Variants in BLTP1 observed in about 807,000 individuals in gnomAD.
The protein encoded by BLTP1 is fragile site-associated protein.
the BLTP1 span, chr4:122,246,539 G>A: frequency 9.2e-7 from 1 of 1,088,100 alleles, no homozygotes; most frequent in Non-Finnish European, 1.3e-6. Context: ...ATTATTTTAT[G>A]AGAATCTGTA....
At chr4:122,276,772 C>A in the BLTP1 span, 1 of 970,504 alleles carries the variant, frequency 1.0e-6, no homozygotes, top group Non-Finnish European at 1.2e-6. Flanking sequence ...GAAATAGTGT[C>A]TTGTGGAAGA....
At chr4:122,295,872 T>A in the BLTP1 span, among the ~76,000 whole-genome samples, 1 of 152,150 alleles carries the variant, frequency 6.6e-6, no homozygotes, top group African/African-American at 2.4e-5. Context: ...AGGCCTTTGA[T>A]AAAACTCAAC....
At chr4:122,313,653 A>G in the BLTP1 span, 21 of 1,588,408 alleles carry the variant, frequency 1.3e-5, no homozygotes, top group Non-Finnish European at 1.8e-5. Flanking sequence ...GCACCTATGA[A>G]GTATGTTCAA....
chr4:122,249,642 G>T, the BLTP1 span: 1 of 1,613,674 alleles, frequency 6.2e-7, no homozygotes, highest in Non-Finnish European at 8.5e-7. Context: ...AATGGGGATG[G>T]ATAATGTTTG....
chr4:122,231,467 G>C, the BLTP1 span, among the ~76,000 whole-genome samples: 5 of 151,568 alleles, frequency 3.3e-5, no homozygotes, highest in Non-Finnish European at 7.4e-5. Context: ...CTGGGGTCTT[G>C]GTGGTTTTCA....
the BLTP1 span, chr4:122,355,755 A>G: frequency 1.3e-5 from 20 of 1,544,402 alleles, no homozygotes; most frequent in African/African-American, 9.5e-5. Context: ...GTCAATGCCT[A>G]TTGTTTTAAT....
chr4:122,251,444 A>T, the BLTP1 span: 1 of 914,872 alleles, frequency 1.1e-6, no homozygotes, highest in Non-Finnish European at 1.3e-6. Context: ...ATTTATTTTT[A>T]AAACATTTGT....
the BLTP1 span, among the ~76,000 whole-genome samples, chr4:122,176,761 T>G: frequency 3.9e-5 from 6 of 152,224 alleles, no homozygotes; most frequent in African/African-American, 1.4e-4. Context: ...TTAGAAGATG[T>G]AATTTTCCTA....
chr4:122,334,603 T>C, the BLTP1 span: 1 of 1,536,340 alleles, frequency 6.5e-7, no homozygotes, highest in Non-Finnish European at 8.9e-7. Flanking sequence ...AGTTATTACC[T>C]ACTTGCTCTT....
chr4:122,247,794 A>G, the BLTP1 span: 30 of 993,270 alleles, frequency 3.0e-5, no homozygotes, highest in African/African-American at 5.2e-4. Context: ...ATAAGGTGAC[A>G]CACATTCCTC....
the BLTP1 span, chr4:122,263,575 A>G: frequency 6.2e-7 from 1 of 1,610,686 alleles, no homozygotes; most frequent in Non-Finnish European, 8.5e-7. Flanking sequence ...CTGTTACAAA[A>G]TCAGGACACA....
the BLTP1 span, among the ~76,000 whole-genome samples, chr4:122,256,381 G>C: frequency 6.6e-6 from 1 of 152,196 alleles, no homozygotes; most frequent in Admixed American, 6.5e-5. Context: ...AGAATGGCAG[G>C]TGTTTCCCAT....
chr4:122,295,258 G>C, the BLTP1 span, among the ~76,000 whole-genome samples: 2 of 147,910 alleles, frequency 1.4e-5, no homozygotes, highest in African/African-American at 2.4e-5. Context: ...AGGAAATGCA[G>C]AGAACCCCAG....
At chr4:122,246,950 A>G in the BLTP1 span, 4 of 1,395,744 alleles carry the variant, frequency 2.9e-6, no homozygotes, top group African/African-American at 5.8e-5. Context: ...TCAAATCTTA[A>G]TTTATAGATT....
At chr4:122,285,612 C>A in the BLTP1 span, among the ~76,000 whole-genome samples, 1 of 151,980 alleles carries the variant, frequency 6.6e-6, no homozygotes, top group East Asian at 1.9e-4. Flanking sequence ...TAGGAGATGA[C>A]CCTTGATTAG....
At chr4:122,231,004 A>C in the BLTP1 span, among the ~76,000 whole-genome samples, 1 of 152,178 alleles carries the variant, frequency 6.6e-6, no homozygotes, top group African/African-American at 2.4e-5. Flanking sequence ...AGATCCTTTT[A>C]AACAAATGAT....
the BLTP1 span, chr4:122,250,323 T>C: frequency 4.6e-4 from 718 of 1,549,004 alleles, 3 homozygotes; most frequent in African/African-American, 8.1e-3. Context: ...AAGACACTTA[T>C]TCACCATTTA....
At chr4:122,218,992 T>C in the BLTP1 span, 1 of 195,666 alleles carries the variant, frequency 5.1e-6, no homozygotes, top group East Asian at 1.9e-4. Flanking sequence ...CGGTATTGCC[T>C]GAGAACTCTG....
At chr4:122,348,840 TATAAA>T in the BLTP1 span, 6 of 668,284 alleles carry the variant, frequency 9.0e-6, no homozygotes, top group African/African-American at 1.9e-5. Flanking sequence ...AGATAAACGA[TATAAA>T]ATGTTTTATC....
Sources: gnomAD v4.1 joint callset for allele counts (sites outside exome capture counted in the v4.1 genomes callset) on GRCh38, gnomAD v4.1.1 for gene constraint, MANE v1.5 for transcripts, NCBI Gene and HGNC (gene_info 2026-07-23, HGNC 2026-07-21) for gene names.